The following TANC2 variants were observed in gnomAD, a reference collection of about 807,000 sequenced individuals.
TANC2 encodes tetratricopeptide repeat, ankyrin repeat and coiled-coil containing 2.
Under a neutral mutation model 210.5 loss-of-function variants are expected in TANC2, and 26 were observed. That is an observed-to-expected ratio of 0.12 (90% CI 0.09 to 0.17). The LOEUF is 0.17. Among genes scored for constraint, TANC2 ranks in the 10% least tolerant of loss-of-function variants. TANC2 has a pLI of 1.00. For synonymous variants in TANC2, 931 were observed against 967.1 expected (o/e 0.96, Z 0.69); for missense variants, 2,129 against 2,608.9 (o/e 0.82, Z 4.01).
At chr17:63,122,591 G>T (rs1444341799) in intron 4 of TANC2, among the ~76,000 whole-genome samples, 3 of 152,006 alleles carry the variant, frequency 2.0e-5, no homozygotes. Context: ...ACAAAACTTA[G>T]CCAGGCATGG....
At chr17:63,269,469 G>A (rs1294694041) in intron 9 of TANC2, among the ~76,000 whole-genome samples, 1 of 152,086 alleles carries the variant, frequency 6.6e-6, no homozygotes, top group East Asian at 1.9e-4. Context: ...TGATCTATAT[G>A]GACCTTCAGA....
intron 8 of TANC2, among the ~76,000 whole-genome samples, chr17:63,265,673 A>G (rs931738840): frequency 1.3e-5 from 2 of 152,196 alleles, no homozygotes; most frequent in Non-Finnish European, 2.9e-5. Context: ...TTATCTTCAT[A>G]TGGGAGAGGC....
chr17:63,005,896 T>TTGTTTGTGTG (rs1555750228), intron 1 of TANC2, among the ~76,000 whole-genome samples: 1 of 132,844 alleles, frequency 7.5e-6, no homozygotes, highest in Admixed American at 7.7e-5. Flanking sequence ...GCTGTATAGT[T>TTGTTTGTGTG]TGTGTGTGTG....
intron 5 of TANC2, among the ~76,000 whole-genome samples, chr17:63,161,939 C>T (rs1026100216): frequency 1.3e-5 from 2 of 152,080 alleles, no homozygotes; most frequent in Non-Finnish European, 2.9e-5. Context: ...TTTGCATTGA[C>T]ACTATTAAAA....
intron 25 of TANC2, among the ~76,000 whole-genome samples, chr17:63,415,107 CA>C (rs1454335755): frequency 6.6e-6 from 1 of 151,904 alleles, no homozygotes. Context: ...AGCGTCAGAC[CA>C]AAAAAACAGT....
At chr17:63,329,678 A>G (rs534865768) in intron 11 of TANC2, among the ~76,000 whole-genome samples, 1 of 152,148 alleles carries the variant, frequency 6.6e-6, no homozygotes, top group Non-Finnish European at 1.5e-5. Context: ...TTACCATTGT[A>G]ATTGGTTTCA....
intron 18 of TANC2, 45 bp from the exon 19 acceptor site, chr17:63,398,776 T>C (rs779392768): frequency 7.2e-7 from 1 of 1,387,106 alleles, no homozygotes; most frequent in South Asian, 1.3e-5. Context: ...GTCAGTAGCA[T>C]AGTTTTCCAC....
chr17:63,044,440 A>G (rs1203088135), intron 2 of TANC2, among the ~76,000 whole-genome samples: 1 of 151,958 alleles, frequency 6.6e-6, no homozygotes. Flanking sequence ...ATTGTACAGT[A>G]TGTTTCTTTT....
chr17:62,987,486 C>T (rs887547369), intron 1 of TANC2, among the ~76,000 whole-genome samples: 3 of 152,148 alleles, frequency 2.0e-5, no homozygotes, highest in Non-Finnish European at 4.4e-5. Flanking sequence ...GCTCTTCTAA[C>T]GGGGGTCAGG....
intron 1 of TANC2, among the ~76,000 whole-genome samples, chr17:62,991,457 C>G (rs1032144807): frequency 6.6e-6 from 1 of 151,412 alleles, no homozygotes; most frequent in Non-Finnish European, 1.5e-5. Flanking sequence ...GCTAACACGA[C>G]GAAACCCCGT....
chr17:63,103,588 C>T (rs1214654520), intron 4 of TANC2, among the ~76,000 whole-genome samples: 1 of 152,160 alleles, frequency 6.6e-6, no homozygotes, highest in African/African-American at 2.4e-5. Context: ...AATAATACAA[C>T]CGACTTCATG....
At chr17:63,321,273 GT>G (rs1445126293) in intron 11 of TANC2, among the ~76,000 whole-genome samples, 1 of 150,964 alleles carries the variant, frequency 6.6e-6, no homozygotes, top group Non-Finnish European at 1.5e-5. Context: ...CTATACTTTT[GT>G]TTTTTGGTTT....
intron 5 of TANC2, among the ~76,000 whole-genome samples, chr17:63,181,308 T>G (rs905729014): frequency 1.3e-5 from 2 of 152,186 alleles, no homozygotes; most frequent in Admixed American, 1.3e-4. Flanking sequence ...GTTGGTCCTC[T>G]CTCTAAACTA....
At chr17:63,182,884 A>G (rs1244327669) in intron 5 of TANC2, 1 of 152,328 alleles carries the variant, frequency 6.6e-6, no homozygotes, top group African/African-American at 2.4e-5. Flanking sequence ...AACTCAACAC[A>G]CTCATTTGAA....
intron 7 of TANC2, among the ~76,000 whole-genome samples, chr17:63,224,155 T>C (rs2042267556): frequency 6.6e-6 from 1 of 152,090 alleles, no homozygotes; most frequent in Admixed American, 6.6e-5. Context: ...TCCTAATCTG[T>C]TCAACCATCT....
chr17:63,313,901 T>A (rs942596781), intron 9 of TANC2, among the ~76,000 whole-genome samples: 1 of 152,226 alleles, frequency 6.6e-6, no homozygotes, highest in Non-Finnish European at 1.5e-5. Flanking sequence ...TATTGAAATA[T>A]GTTACTGGTT....
At chr17:63,377,710 T>A (rs533468168) in intron 14 of TANC2, among the ~76,000 whole-genome samples, 12 of 152,276 alleles carry the variant, frequency 7.9e-5, no homozygotes, top group Admixed American at 1.3e-4. Flanking sequence ...GCTTCCACAT[T>A]TTTGGGCAGC....
intron 5 of TANC2, among the ~76,000 whole-genome samples, chr17:63,184,486 A>G (rs2040905048): frequency 6.6e-6 from 1 of 152,254 alleles, no homozygotes; most frequent in East Asian, 1.9e-4. Flanking sequence ...TATGAAGTGA[A>G]CACAAATTAA....
chr17:63,273,040 A>G (rs908587205), intron 9 of TANC2, among the ~76,000 whole-genome samples: 2 of 152,128 alleles, frequency 1.3e-5, no homozygotes, highest in Admixed American at 6.6e-5. Context: ...AGCACCTTAG[A>G]AGGCCAAGGT....
Sources: allele counts gnomAD v4.1 joint callset (sites outside exome capture counted in the v4.1 genomes callset), GRCh38; gene constraint gnomAD v4.1.1; transcripts MANE v1.5; gene names NCBI Gene and HGNC (gene_info 2026-07-23, HGNC 2026-07-21).